Variants in RAP1GAP observed in about 807,000 individuals in gnomAD.
The protein encoded by RAP1GAP is RAP1 GTPase activating protein.
RAP1GAP carries 35 observed loss-of-function variants against 87.2 expected under a neutral mutation model. The observed-to-expected ratio is 0.40, with a 90% CI of 0.31 to 0.53. RAP1GAP has a LOEUF of 0.53. Ranked by LOEUF, RAP1GAP falls within the 20% of genes least tolerant of loss-of-function variation. The pLI, the probability that RAP1GAP is intolerant of heterozygous loss-of-function variation, is 0.48. For missense variants in RAP1GAP, 734 were observed against 898.9 expected (o/e 0.82, Z 2.35); for synonymous variants, 375 against 363.9 (o/e 1.03, Z -0.35).
rs2066436153 is a variant in RAP1GAP at position 21,599,500 on chromosome 1, T to C, written c.1770A>G (p.Thr590=). The C allele has an allele frequency of 6.2e-7, 1 of 1,608,886 alleles. No homozygotes were observed. The highest frequency in any genetic ancestry group is 1.3e-5 in the African/African-American group (1 of 75,044). ...ACCCCCCTGAGCCTCTCACCAGGCC[T>C]GTGTCCTCTCCGTCCACACCCTCCG... ...EETEGVDGED[T]GLESVSSSGT... Residue 590 remains threonine, a synonymous_variant, in exon 21 of 25, where the codon ACA becomes ACG. Coordinates refer to ENST00000374765, the MANE Select transcript of RAP1GAP (RefSeq NM_002885.4).
intron 1 of RAP1GAP, chr1:21,651,408 T>G (rs751852350): frequency 2.2e-5 from 12 of 546,956 alleles, no homozygotes; most frequent in African/African-American, 1.9e-4. Flanking sequence ...ATGTGAGCAG[T>G]TGCGCACACA....
intron 1 of RAP1GAP, among the ~76,000 whole-genome samples, chr1:21,661,050 G>A (rs1257268593): frequency 2.6e-5 from 4 of 152,130 alleles, no homozygotes; most frequent in Non-Finnish European, 4.4e-5. Context: ...TCAGGAGTTC[G>A]AGAACAGCCT....
chr1:21,632,826 G>T (rs2094021934), intron 2 of RAP1GAP, among the ~76,000 whole-genome samples: 1 of 152,196 alleles, frequency 6.6e-6, no homozygotes, highest in South Asian at 2.1e-4. Context: ...ACTTGAGCCA[G>T]AAGTTCCAGG....
Position 21,668,988 on chromosome 1 carries a change from C to T in RAP1GAP, c.-149+266G>A, listed in dbSNP as rs1233695636. Among the ~76,000 whole-genome samples, 1 of 151,748 alleles carries T rather than the reference C, an allele frequency of 6.6e-6. No individual in the cohort carries two copies. The highest frequency in any genetic ancestry group is 1.5e-5 in the Non-Finnish European group (1 of 67,810). On this transcript the variant is annotated intron_variant, in intron 1 of 24. Transcript: ENST00000374765. The surrounding 1 kb of genome is among the most constrained non-coding windows in gnomAD (Gnocchi z 6.2). ...GGGGGTGGGACCAAAGCCCCCTGGC[C>T]GCGGCCTGGACCAAGTCCAACAGGC...
At chr1:21,650,068 A>C (rs939321261) in intron 1 of RAP1GAP, among the ~76,000 whole-genome samples, 13 of 121,688 alleles carry the variant, frequency 1.1e-4, no homozygotes, top group Non-Finnish European at 1.4e-4. Context: ...GGGTGTTAGC[A>C]GGGGTGGGGG....
intron 13 of RAP1GAP, among the ~76,000 whole-genome samples, chr1:21,610,496 A>G (rs182544905): frequency 1.7e-4 from 26 of 152,330 alleles, no homozygotes; most frequent in Admixed American, 1.6e-3. Context: ...AGGGTACACT[A>G]ATATCCCAGA....
At position 21,645,616 on chromosome 1, in the gene RAP1GAP, AT is replaced by A. The variant is rs1308429144; in HGVS notation, c.-113+4144del. 6.6e-5 allele frequency among the ~76,000 whole-genome samples: 10 copies of A among 152,160 alleles called. 1 individual carries two copies. Among genetic ancestry groups the A allele is most frequent in the Admixed American group, 5.9e-4 (9 of 15,286 alleles). Reference sequence around the variant, plus strand: ...CCCTCACCCTGGCTTGGCCAAGGGGATGAGGCAGGAGGCCTTGGCATTTGCC... The same window carrying A: ...CCCTCACCCTGGCTTGGCCAAGGGGAGAGGCAGGAGGCCTTGGCATTTGCC... On this transcript the variant is annotated intron_variant, in intron 2 of 24. Coordinates refer to ENST00000374765, the MANE Select transcript of RAP1GAP (RefSeq NM_002885.4).
rs1196029369 is a variant in RAP1GAP at position 21,619,054 on chromosome 1, G to T, written c.37C>A (p.Gln13Lys). The T allele has an allele frequency of 3.7e-6, 6 of 1,602,316 alleles. No homozygotes were observed. The highest frequency in any genetic ancestry group is 4.3e-6 in the Non-Finnish European group (5 of 1,173,810). The change falls in exon 5 of 25, where the codon CAA becomes AAA. Residue 13 changes from glutamine to lysine, a missense_variant. Around this residue, in one of 2 missense-constraint regions of RAP1GAP, gnomAD observed 485 missense variants for 646.2 expected, o/e 0.75. Coordinates refer to ENST00000374765, the MANE Select transcript of RAP1GAP (RefSeq NM_002885.4). ...AGGGGCGGCGGGAAGGAGCAGCGTT[G>T]TTCATCCATCCTGCTTCCCTGTAAG... ...EKMQGSRMDE[Q>K]RCSFPPPLKT... is the part of the protein sequence containing the mutation.
In RAP1GAP at chr1:21,634,651, G is replaced by A. The variant is rs2094398122; in HGVS notation, c.-112-8254C>T. 7.6e-6 allele frequency: 2 copies of A among 261,480 alleles called. No individual in the cohort carries two copies. The highest frequency in any genetic ancestry group is 7.7e-5 in the Admixed American group (2 of 25,938). The allele number at this position is 261,480 out of a possible 1,614,324, so 16.2% of individuals were successfully genotyped here. ...GCCGAGACACCCGGATCCCGGAGCT[G>A]GGCCAGGCAGAGGCCTCCTGAACAA... is the stretch of plus-strand genomic sequence containing the variant. On this transcript the variant is annotated intron_variant, in intron 2 of 24. Coordinates refer to ENST00000374765, the MANE Select transcript of RAP1GAP (RefSeq NM_002885.4). The surrounding 1 kb of genome is among the most constrained non-coding windows in gnomAD (Gnocchi z 4.1).
intron 2 of RAP1GAP, among the ~76,000 whole-genome samples, chr1:21,637,366 G>C (rs542164048): frequency 5.9e-5 from 9 of 151,402 alleles, no homozygotes; most frequent in Admixed American, 5.3e-4. Flanking sequence ...TGTTGCCCAA[G>C]CTGGTCTGAA....
chr1:21,659,307 CG>C (rs2152292297), intron 1 of RAP1GAP, among the ~76,000 whole-genome samples: 1 of 152,338 alleles, frequency 6.6e-6, no homozygotes, highest in South Asian at 2.1e-4. Context: ...GACGGCCGCC[CG>C]GGCTCCAGGA....
chr1:21,653,564 C>T (rs890141715), intron 1 of RAP1GAP, among the ~76,000 whole-genome samples: 84 of 126,850 alleles, frequency 6.6e-4, no homozygotes, highest in Non-Finnish European at 1.2e-3. Flanking sequence ...TCCTTCCTTC[C>T]TTCCTTCCTT....
chr1:21,626,030 A>G (rs990842077), intron 3 of RAP1GAP, among the ~76,000 whole-genome samples: 4 of 152,266 alleles, frequency 2.6e-5, no homozygotes, highest in Middle Eastern at 3.4e-3. Flanking sequence ...GATGATGAAG[A>G]TAGCTGGGGG....
At chr1:21,604,333 G>A (rs2072087110) in intron 18 of RAP1GAP, among the ~76,000 whole-genome samples, 1 of 125,412 alleles carries the variant, frequency 8.0e-6, no homozygotes, top group Non-Finnish European at 1.9e-5. Context: ...AAGGGAAGGA[G>A]GAGAGGGAGC....
chr1:21,649,870 AC>A (rs2096418549), intron 1 of RAP1GAP, 74 bp from the exon 2 acceptor site: 1 of 1,430,090 alleles, frequency 7.0e-7, no homozygotes, highest in Admixed American at 2.0e-5. Context: ...TATCACACCC[AC>A]CTGCACTGCA....
chr1:21,655,692 G>A (rs1043785365), intron 1 of RAP1GAP, among the ~76,000 whole-genome samples: 12 of 152,184 alleles, frequency 7.9e-5, no homozygotes, highest in African/African-American at 2.9e-4. Flanking sequence ...CTCCCCTTTG[G>A]GCCTCCTAGA....
intron 20 of RAP1GAP, among the ~76,000 whole-genome samples, chr1:21,600,912 G>T (rs1308624409): frequency 1.9e-5 from 2 of 104,386 alleles, no homozygotes; most frequent in African/African-American, 6.9e-5. Context: ...CAAAGCTCTT[G>T]TACAGCCTGC....
At position 21,602,820 on chromosome 1, in the gene RAP1GAP, C is replaced by A. The variant is rs748120555; in HGVS notation, c.1522G>T (p.Glu508Ter). The A allele has an allele frequency of 1.6e-5, 26 of 1,609,008 alleles. No individual in the cohort carries two copies. Among genetic ancestry groups the A allele is most frequent in the Non-Finnish European group, 2.0e-5 (23 of 1,179,428 alleles). ...CTCACCCACCTCTTCTCCTGCACCTCCTGTATGTTCTCGATGCCAATGGCG... is the reference window on the plus strand; with the variant it reads ...CTCACCCACCTCTTCTCCTGCACCTACTGTATGTTCTCGATGCCAATGGCG... ...SSAIGIENIQ[E>*]VQEKRESPPA... The change falls in exon 19 of 25, where the codon GAG becomes TAG. Residue 508 changes from glutamate (E) to a stop codon, truncating the protein, a stop_gained. Transcript: ENST00000374765. LOFTEE classifies it high-confidence loss of function.
Position 21,626,353 on chromosome 1 carries a change from A to C in RAP1GAP, c.-68T>G. Reference sequence around the variant, plus strand: ...GGAGGGAACTAAGTTCACTCGTGACAGGTCTAGTGCCTGAGGGAAGTGCTG... The same window carrying C: ...GGAGGGAACTAAGTTCACTCGTGACCGGTCTAGTGCCTGAGGGAAGTGCTG... On this transcript the variant is annotated 5_prime_UTR_variant, in exon 3 of 25. Transcript: ENST00000374765. 6.2e-7 allele frequency: 1 copy of C among 1,613,324 alleles called. No homozygotes were observed. Among genetic ancestry groups the C allele is most frequent in the Non-Finnish European group, 8.5e-7 (1 of 1,179,376 alleles).
Sources: gnomAD v4.1 joint callset for allele counts (sites outside exome capture counted in the v4.1 genomes callset) on GRCh38, gnomAD v4.1.1 for gene constraint, gnomAD v4.1.1 regional missense constraint, Gnocchi (gnomAD v3.1) non-coding constraint, MANE v1.5 for transcripts, NCBI Gene and HGNC (gene_info 2026-07-23, HGNC 2026-07-21) for gene names.